Variants in SLC24A2 observed in about 807,000 individuals in gnomAD.
The protein encoded by SLC24A2 is solute carrier family 24 member 2.
Under a neutral mutation model 62.0 loss-of-function variants are expected in SLC24A2, and 36 were observed. That is an observed-to-expected ratio of 0.58 (90% CI 0.44 to 0.77). SLC24A2 has a LOEUF of 0.77. Ranked by LOEUF, SLC24A2 falls within the 30% of genes least tolerant of loss-of-function variation. The pLI is 0.00. For missense variants in SLC24A2, 846 were observed against 817.9 expected (o/e 1.03, Z -0.42); for synonymous variants, 358 against 294.0 (o/e 1.22, Z -2.23).
At chr9:20,241,510 T>A in the SLC24A2 span, among the ~76,000 whole-genome samples, 86 of 152,314 alleles carry the variant, frequency 5.6e-4, no homozygotes, top group African/African-American at 2.0e-3. Context: ...TATGAGAGTA[T>A]TACTTAATTG....
At chr9:19,585,499 G>C (rs906292443) in intron 5 of SLC24A2, among the ~76,000 whole-genome samples, 3 of 152,118 alleles carry the variant, frequency 2.0e-5, no homozygotes, top group African/African-American at 7.2e-5. Context: ...CCTTTTATTG[G>C]AAAATGGTAT....
chr9:20,265,378 C>T, the SLC24A2 span, among the ~76,000 whole-genome samples: 2 of 152,168 alleles, frequency 1.3e-5, no homozygotes, highest in Admixed American at 1.3e-4. Context: ...GGCGGAAGAA[C>T]ATAAATTGTG....
the SLC24A2 span, among the ~76,000 whole-genome samples, chr9:20,157,481 C>A: frequency 6.6e-6 from 1 of 151,616 alleles, no homozygotes; most frequent in South Asian, 2.1e-4. Flanking sequence ...GAAAACCACC[C>A]TCGGAAAGAT....
intron 4 of SLC24A2, among the ~76,000 whole-genome samples, chr9:19,609,215 G>A (rs1259422502): frequency 1.3e-5 from 2 of 152,226 alleles, no homozygotes; most frequent in Non-Finnish European, 2.9e-5. Flanking sequence ...CACTGCTTCA[G>A]GAATGAGGGC....
the SLC24A2 span, among the ~76,000 whole-genome samples, chr9:19,820,485 A>T: frequency 6.6e-6 from 1 of 151,668 alleles, no homozygotes; most frequent in African/African-American, 2.4e-5. Flanking sequence ...TTACTCATGT[A>T]ACCAAATACC....
chr9:19,662,092 C>T (rs760696855), intron 2 of SLC24A2, among the ~76,000 whole-genome samples: 3 of 152,112 alleles, frequency 2.0e-5, no homozygotes, highest in Non-Finnish European at 4.4e-5. Flanking sequence ...TGCTGTCCAA[C>T]AGAAATAAAA....
chr9:19,664,108 C>T (rs987629462), intron 2 of SLC24A2, among the ~76,000 whole-genome samples: 42 of 152,328 alleles, frequency 2.8e-4, no homozygotes, highest in African/African-American at 8.7e-4. Flanking sequence ...AGTCACATCA[C>T]GCATAGATTA....
the SLC24A2 span, among the ~76,000 whole-genome samples, chr9:20,028,252 G>A: frequency 6.6e-6 from 1 of 152,086 alleles, no homozygotes; most frequent in Non-Finnish European, 1.5e-5. Flanking sequence ...TCCCCCACCT[G>A]CAACACACAA....
At chr9:20,187,215 C>T in the SLC24A2 span, among the ~76,000 whole-genome samples, 6 of 152,140 alleles carry the variant, frequency 3.9e-5, no homozygotes, top group Non-Finnish European at 5.9e-5. Flanking sequence ...CTTGGCTGAC[C>T]TCAAATATGG....
At chr9:19,943,733 TAAGA>T in the SLC24A2 span, among the ~76,000 whole-genome samples, 4 of 152,212 alleles carry the variant, frequency 2.6e-5, no homozygotes, top group African/African-American at 7.2e-5. Flanking sequence ...GTGTCTCAAA[TAAGA>T]AAGATGCTAC....
At chr9:19,994,751 G>C in the SLC24A2 span, among the ~76,000 whole-genome samples, 2 of 152,122 alleles carry the variant, frequency 1.3e-5, no homozygotes, top group Non-Finnish European at 2.9e-5. Flanking sequence ...TTCATGCACC[G>C]GTCCTCAACA....
chr9:19,745,693 G>A (rs943846977), intron 2 of SLC24A2, among the ~76,000 whole-genome samples: 1 of 152,066 alleles, frequency 6.6e-6, no homozygotes, highest in Admixed American at 6.6e-5. Context: ...TTTTCTACAT[G>A]CTGGGAAAGA....
chr9:19,637,228 C>T (rs1818381357), intron 2 of SLC24A2, among the ~76,000 whole-genome samples: 1 of 152,194 alleles, frequency 6.6e-6, no homozygotes, highest in African/African-American at 2.4e-5. Context: ...GACAAGTTCT[C>T]AATTAGTTCA....
At chr9:19,920,342 T>C in the SLC24A2 span, among the ~76,000 whole-genome samples, 2 of 152,238 alleles carry the variant, frequency 1.3e-5, no homozygotes, top group African/African-American at 2.4e-5. Flanking sequence ...TGGACAATTT[T>C]CATAGTTGCC....
intron 9 of SLC24A2, among the ~76,000 whole-genome samples, chr9:19,524,154 A>AG (rs1295668542): frequency 1.3e-5 from 2 of 150,666 alleles, no homozygotes; most frequent in Non-Finnish European, 3.0e-5. Flanking sequence ...AAAAAAAAAA[A>AG]AAAAAGCAAA....
At chr9:19,768,941 C>T (rs1167411812) in intron 2 of SLC24A2, among the ~76,000 whole-genome samples, 1 of 152,128 alleles carries the variant, frequency 6.6e-6, no homozygotes, top group African/African-American at 2.4e-5. Flanking sequence ...TTCTTCCCTG[C>T]TACATTCATT....
chr9:20,009,021 T>C, the SLC24A2 span, among the ~76,000 whole-genome samples: 1 of 152,140 alleles, frequency 6.6e-6, no homozygotes, highest in African/African-American at 2.4e-5. Context: ...TATGATTCAA[T>C]GGTAAGAGAA....
At chr9:20,016,295 G>C in the SLC24A2 span, among the ~76,000 whole-genome samples, 2 of 152,136 alleles carry the variant, frequency 1.3e-5, no homozygotes, top group African/African-American at 4.8e-5. Flanking sequence ...AAATGTAATA[G>C]ATACTTTATT....
intron 8 of SLC24A2, among the ~76,000 whole-genome samples, chr9:19,533,429 C>G (rs1022187230): frequency 6.6e-6 from 1 of 152,232 alleles, no homozygotes; most frequent in Non-Finnish European, 1.5e-5. Context: ...TATTTTTCCA[C>G]TCTTCGAATC....
Sources: gnomAD v4.1 joint callset for allele counts (sites outside exome capture counted in the v4.1 genomes callset) on GRCh38, gnomAD v4.1.1 for gene constraint, MANE v1.5 for transcripts, NCBI Gene and HGNC (gene_info 2026-07-23, HGNC 2026-07-21) for gene names.